The following PTPN13 variants were observed in gnomAD, a reference collection of about 807,000 sequenced individuals.
PTPN13 encodes the protein tyrosine-protein phosphatase non-receptor type 13.
In PTPN13, 191 loss-of-function variants were observed where a neutral mutation model predicts 284.0. The ratio of observed to expected loss-of-function variants is 0.67; its 90% CI spans 0.60 to 0.76. The LOEUF (loss-of-function observed/expected upper bound fraction) is 0.76, where lower values mean the gene tolerates loss of function less well. PTPN13 is among the 30% of genes least tolerant of loss of function. The probability of loss-of-function intolerance (pLI) is 0.00; values close to 1 mark genes in which losing one functional copy is unlikely to be tolerated. For synonymous variants in PTPN13, 986 were observed against 1,022.3 expected (o/e 0.96, Z 0.68); for missense variants, 2,797 against 2,939.9 (o/e 0.95, Z 1.12).
intron 2 of PTPN13, among the ~76,000 whole-genome samples, chr4:86,640,773 A>G (rs767683632): frequency 1.3e-5 from 2 of 152,190 alleles, no homozygotes; most frequent in Non-Finnish European, 2.9e-5. Context: ...AGGTGTTGTC[A>G]CTGAGAGGCA....
chr4:86,809,814 C>G lies in PTPN13; in HGVS notation c.7129C>G (p.Pro2377Ala). 6.2e-7 allele frequency: 1 copy of G among 1,614,006 alleles called. No homozygotes were observed. Residue 2377 changes from proline to alanine, a missense_variant, in exon 46 of 48, where the codon CCA (proline) becomes GCA (alanine). Pro to Ala is a conservative substitution (Grantham distance 27). Coordinates refer to ENST00000411767, the MANE Select transcript of PTPN13 (RefSeq NM_080683.3). ...HISHLNFTAW[P>A]DHDTPSQPDD... ...TTCTCATCTGAATTTCACTGCCTGG[C>G]CAGACCATGATACACCTTCTCAACC...
intron 3 of PTPN13, among the ~76,000 whole-genome samples, chr4:86,673,831 C>A (rs1727975829): frequency 6.6e-6 from 1 of 152,064 alleles, no homozygotes; most frequent in Admixed American, 6.5e-5. Context: ...CCTCAGACTC[C>A]CAAGTAGCTG....
chr4:86,719,261 A>G (rs899168695), intron 9 of PTPN13, among the ~76,000 whole-genome samples: 1 of 152,202 alleles, frequency 6.6e-6, no homozygotes, highest in Non-Finnish European at 1.5e-5. Flanking sequence ...TAGTTTGCTA[A>G]GGATAATAGC....
intron 7 of PTPN13, among the ~76,000 whole-genome samples, chr4:86,712,186 A>C (rs1264309401): frequency 6.6e-6 from 1 of 152,078 alleles, no homozygotes; most frequent in Non-Finnish European, 1.5e-5. Flanking sequence ...ACACTCAAAA[A>C]TAGAAAACAT....
chr4:86,750,453 A>G lies in PTPN13; in HGVS notation c.2651-17A>G, dbSNP rs760352869. The G allele has an allele frequency of 2.5e-6, 4 of 1,596,436 alleles. No homozygotes were observed. In the African/African-American group the frequency reaches 5.4e-5, roughly 22 times the overall value. On this transcript the variant is annotated splice_polypyrimidine_tract_variant and intron_variant, in intron 17 of 47. Transcript: ENST00000411767. Reference sequence around the variant, plus strand: ...TGTGGCGTTACCATCATGTAAAGCAATCCTATTTCCTTGTAGAGAGAGCTT... The same window carrying G: ...TGTGGCGTTACCATCATGTAAAGCAGTCCTATTTCCTTGTAGAGAGAGCTT...
At position 86,734,362 on chromosome 4, in the gene PTPN13, T is replaced by C. The variant is rs200847334; in HGVS notation, c.1918T>C (p.Trp640Arg). 6 of 1,561,892 alleles carry C rather than the reference T, an allele frequency of 3.8e-6. No individual in the cohort carries two copies. In the Admixed American group the frequency reaches 7.5e-5, roughly 20 times the overall value. Residue 640 changes from tryptophan (W) to arginine (R), a missense_variant, in exon 13 of 48, where the codon TGG becomes CGG. Trp to Arg is a moderately radical substitution (Grantham distance 101). Transcript: ENST00000411767. ...ATTAACCAAAGTGGCCCCAGAGGGA[T>C]GGAAAGAAGAACCAAAGAAAAAGAC... ...LKLTKVAPEGWKEEPKKKTKA... is the reference protein window; with the variant it reads ...LKLTKVAPEGRKEEPKKKTKA...
chr4:86,780,195 T>C (rs557281904), intron 35 of PTPN13, among the ~76,000 whole-genome samples: 1 of 151,976 alleles, frequency 6.6e-6, no homozygotes, highest in East Asian at 1.9e-4. Flanking sequence ...ACTCAGGAGT[T>C]CGAGACCAGC....
chr4:86,746,914 G>A (rs1736832059), intron 17 of PTPN13, among the ~76,000 whole-genome samples: 1 of 152,124 alleles, frequency 6.6e-6, no homozygotes, highest in African/African-American at 2.4e-5. Context: ...TTTTACACAT[G>A]CTAAAATACA....
At chr4:86,603,663 CTTT>C in intron 1 of PTPN13, among the ~76,000 whole-genome samples, 1 of 151,990 alleles carries the variant, frequency 6.6e-6, no homozygotes, top group East Asian at 1.9e-4. Context: ...ACCCAGTTCC[CTTT>C]TTTAACTATA....
chr4:86,628,854 A>G (rs1447337062), intron 1 of PTPN13, among the ~76,000 whole-genome samples: 1 of 150,112 alleles, frequency 6.7e-6, no homozygotes, highest in Admixed American at 6.7e-5. Context: ...ATGGCTGCAT[A>G]GTATTCCATG....
Position 86,785,327 on chromosome 4 carries a change from T to C in PTPN13, c.6215T>C (p.Leu2072Pro). ...LDVVDEEAQN[L>P]LNENNAAGYS... ...GTTGTGGATGAGGAAGCCCAGAATC[T>C]TTTAAACGAAAATAATGCAGCAGGA... The change falls in exon 39 of 48, where the codon CTT becomes CCT. Residue 2072 changes from leucine to proline, a missense_variant. Transcript: ENST00000411767. 1 of 1,611,578 alleles carries C rather than the reference T, an allele frequency of 6.2e-7. No homozygotes were observed. Among genetic ancestry groups the C allele is most frequent in the Non-Finnish European group, 8.5e-7 (1 of 1,178,456 alleles).
chr4:86,646,548 G>T (rs1028582188), intron 2 of PTPN13, among the ~76,000 whole-genome samples: 1 of 152,118 alleles, frequency 6.6e-6, no homozygotes, highest in Non-Finnish European at 1.5e-5. Context: ...TCGGCCTGCC[G>T]CAGCCTCCCA....
intron 46 of PTPN13, 143 bp downstream of exon 46, chr4:86,810,127 A>G (rs1745066436): frequency 1.5e-6 from 1 of 652,408 alleles, no homozygotes; most frequent in Non-Finnish European, 2.5e-6. Context: ...TTATTATAGA[A>G]AATTGTATTT....
chr4:86,617,199 C>G (rs1008905821), intron 1 of PTPN13, among the ~76,000 whole-genome samples: 13 of 151,978 alleles, frequency 8.6e-5, no homozygotes, highest in African/African-American at 3.1e-4. Context: ...AATGTGGTAG[C>G]CACAAGTTCC....
intron 9 of PTPN13, among the ~76,000 whole-genome samples, chr4:86,721,368 G>T (rs769022941): frequency 6.6e-6 from 1 of 152,044 alleles, no homozygotes; most frequent in African/African-American, 2.4e-5. Flanking sequence ...TGTACTAGGT[G>T]CTTTCAGATA....
intron 7 of PTPN13, among the ~76,000 whole-genome samples, chr4:86,710,351 A>T (rs906282044): frequency 1.3e-5 from 2 of 152,170 alleles, no homozygotes; most frequent in African/African-American, 4.8e-5. Context: ...TCTTGTTGCA[A>T]TTGGCTGAGT....
intron 1 of PTPN13, among the ~76,000 whole-genome samples, chr4:86,614,001 T>C (rs1165260320): frequency 1.3e-5 from 2 of 152,216 alleles, no homozygotes; most frequent in East Asian, 3.8e-4. Flanking sequence ...AAGAGTTGTG[T>C]ATTTTTCTAA....
intron 2 of PTPN13, among the ~76,000 whole-genome samples, chr4:86,667,489 C>A (rs1455621475): frequency 6.6e-6 from 1 of 151,976 alleles, no homozygotes; most frequent in Non-Finnish European, 1.5e-5. Flanking sequence ...ACTACAATTT[C>A]CAGTGAACCT....
intron 42 of PTPN13, among the ~76,000 whole-genome samples, chr4:86,803,064 C>CTGTGTG (rs143647187): frequency 0.07 from 9,586 of 136,036 alleles, 370 homozygotes; most frequent in Admixed American, 0.1. Context: ...CAGAATAAGA[C>CTGTGTG]TGTGTGTGTG....
Sources: gnomAD v4.1 joint callset for allele counts (sites outside exome capture counted in the v4.1 genomes callset) on GRCh38, gnomAD v4.1.1 for gene constraint, MANE v1.5 for transcripts, NCBI Gene and HGNC (gene_info 2026-07-23, HGNC 2026-07-21) for gene names.